Variants in CHL1 observed in about 807,000 individuals in gnomAD.
CHL1 encodes neural cell adhesion molecule L1-like protein.
In CHL1, 96 loss-of-function variants were observed where a neutral mutation model predicts 141.9. That is an observed-to-expected ratio of 0.68 (90% CI 0.57 to 0.80). The LOEUF (loss-of-function observed/expected upper bound fraction) is 0.80, where lower values mean the gene tolerates loss of function less well. Ranked by LOEUF, CHL1 falls within the 30% of genes least tolerant of loss-of-function variation. The probability of loss-of-function intolerance (pLI) is 0.00; values close to 1 mark genes in which losing one functional copy is unlikely to be tolerated. For missense variants in CHL1, 1,820 were observed against 1,457.2 expected, an observed-to-expected ratio of 1.25 and a Z score of -4.05; for synonymous variants, 613 against 502.2, an observed-to-expected ratio of 1.22 and a Z score of -2.95.
chr3:236,736 C>T (rs1315094028), intron 1 of CHL1, among the ~76,000 whole-genome samples: 1 of 145,330 alleles, frequency 6.9e-6, no homozygotes, highest in East Asian at 1.9e-4. Flanking sequence ...TCTTTGTATT[C>T]ATCTTTCCAC....
chr3:257,652 C>G (rs751293900), intron 2 of CHL1, among the ~76,000 whole-genome samples: 1 of 152,072 alleles, frequency 6.6e-6, no homozygotes, highest in South Asian at 2.1e-4. Context: ...GTGCCTGGCT[C>G]TCTTTTTCAT....
intron 2 of CHL1, among the ~76,000 whole-genome samples, chr3:298,500 C>A (rs1574994875): frequency 6.6e-6 from 1 of 152,172 alleles, no homozygotes; most frequent in African/African-American, 2.4e-5. Context: ...CATTTATATT[C>A]AGATACTTGC....
intron 16 of CHL1, among the ~76,000 whole-genome samples, chr3:379,573 C>T (rs1706772718): frequency 6.6e-6 from 1 of 152,110 alleles, no homozygotes; most frequent in Non-Finnish European, 1.5e-5. Flanking sequence ...CAGTCTCAGC[C>T]ACCAAAAGGA....
chr3:244,250 A>G (rs2125108423), intron 1 of CHL1, among the ~76,000 whole-genome samples: 1 of 152,326 alleles, frequency 6.6e-6, no homozygotes, highest in East Asian at 1.9e-4. Flanking sequence ...GCAAGTAGCT[A>G]TTGTGCCAGA....
At chr3:321,411 G>A (rs141353812) in intron 3 of CHL1, among the ~76,000 whole-genome samples, 29 of 152,134 alleles carry the variant, frequency 1.9e-4, no homozygotes, top group African/African-American at 5.8e-4. Context: ...TTCTGGTCGG[G>A]AGTCTAAAGT....
rs544558478 is a variant in CHL1, at chr3:319,940, T to C, written c.91+73T>C. 4.1e-5 allele frequency: 33 copies of C among 807,326 alleles called. 1 individual carries two copies. The East Asian group carries it at 7.6e-4, about 19-fold the overall frequency. The allele number at this position is 807,326 out of a possible 1,614,324, so 50.0% of individuals were successfully genotyped here. Reference sequence around the variant, plus strand: ...TTTTGATTTTTAAGTAGAATACTTATGGATTGAGGATGTGACTTTTCTACC... The same window carrying C: ...TTTTGATTTTTAAGTAGAATACTTACGGATTGAGGATGTGACTTTTCTACC... On this transcript the variant is annotated intron_variant, in intron 3 of 27. Coordinates refer to ENST00000256509, the MANE Select transcript of CHL1 (RefSeq NM_006614.4).
At chr3:200,141 T>C (rs1350144773) in intron 1 of CHL1, among the ~76,000 whole-genome samples, 2 of 152,230 alleles carry the variant, frequency 1.3e-5, no homozygotes, top group South Asian at 2.1e-4. Context: ...GTTTCATTTA[T>C]TGGAAATTAT....
intron 16 of CHL1, among the ~76,000 whole-genome samples, chr3:379,536 G>A (rs1294353329): frequency 4.6e-5 from 7 of 152,088 alleles, no homozygotes; most frequent in Non-Finnish European, 8.8e-5. Flanking sequence ...GTCAGGCTCC[G>A]TGCGCTTTGT....
chr3:344,895 A>G (rs1217961416), intron 9 of CHL1, among the ~76,000 whole-genome samples, 186 bp downstream of exon 9: 1 of 152,180 alleles, frequency 6.6e-6, no homozygotes, highest in African/African-American at 2.4e-5. Context: ...AGGCTGAAGC[A>G]GGAAGATTGC....
intron 2 of CHL1, among the ~76,000 whole-genome samples, chr3:284,780 T>C (rs1205247714): frequency 6.6e-6 from 1 of 152,072 alleles, no homozygotes; most frequent in Admixed American, 6.6e-5. Flanking sequence ...TTTTTTTTTT[T>C]TTCTCCAACC....
In CHL1 at chr3:268,578, A is replaced by G. The variant is rs575327378; in HGVS notation, c.-95+23886A>G. On this transcript the variant is annotated intron_variant, in intron 2 of 27. Coordinates refer to ENST00000256509, the MANE Select transcript of CHL1 (RefSeq NM_006614.4). ...AAAATAAAATAAAATAAAATAAAAT[A>G]ATGACTAGCTTATGCTCTCAGTACA... is the stretch of plus-strand genomic sequence containing the variant. 2.0e-5 allele frequency among the ~76,000 whole-genome samples: 3 copies of G among 152,170 alleles called. No individual in the cohort carries two copies. In the South Asian group the frequency reaches 6.2e-4, roughly 32 times the overall value.
chr3:389,176 A>G (rs1278212744), intron 19 of CHL1, 76 bp from the exon 20 acceptor site: 2 of 1,110,646 alleles, frequency 1.8e-6, no homozygotes, highest in Non-Finnish European at 2.7e-6. Context: ...TCCTTATTCC[A>G]CTTAGGGTGG....
chr3:357,913 G>T (rs1476280795), intron 11 of CHL1, among the ~76,000 whole-genome samples: 1 of 152,160 alleles, frequency 6.6e-6, no homozygotes, highest in African/African-American at 2.4e-5. Flanking sequence ...CCCTGAGTGG[G>T]GTGTGGAAGT....
At chr3:236,442 G>A (rs1011864559) in intron 1 of CHL1, among the ~76,000 whole-genome samples, 1 of 152,194 alleles carries the variant, frequency 6.6e-6, no homozygotes, top group Middle Eastern at 3.4e-3. Flanking sequence ...AATGTGTCTT[G>A]GTTCTCCATG....
intron 2 of CHL1, among the ~76,000 whole-genome samples, chr3:304,782 G>C (rs1416008116): frequency 2.0e-5 from 3 of 152,082 alleles, no homozygotes; most frequent in African/African-American, 7.2e-5. Context: ...TCTTTTGCTA[G>C]CTTTTGAATT....
chr3:398,412 A>G, intron 25 of CHL1, 27 bp downstream of exon 25: 1 of 1,489,234 alleles, frequency 6.7e-7, no homozygotes, highest in Non-Finnish European at 9.3e-7. Flanking sequence ...TATTTGGGGA[A>G]GTCTTAGTCA....
intron 3 of CHL1, among the ~76,000 whole-genome samples, chr3:322,508 T>C (rs1700648184): frequency 6.6e-6 from 1 of 151,016 alleles, no homozygotes; most frequent in Non-Finnish European, 1.5e-5. Context: ...TTTGCTCTGA[T>C]GATACAAAAG....
chr3:375,577 G>C (rs73814730), intron 15 of CHL1, among the ~76,000 whole-genome samples: 3,378 of 151,822 alleles, frequency 0.022, 75 homozygotes, highest in African/African-American at 0.062. Flanking sequence ...GGAGAAATGG[G>C]AGTTGGGGAC....
intron 1 of CHL1, among the ~76,000 whole-genome samples, chr3:218,040 T>G (rs1700480375): frequency 6.6e-6 from 1 of 152,180 alleles, no homozygotes; most frequent in Non-Finnish European, 1.5e-5. Context: ...TGGGGGCTGT[T>G]GTAAATTATA....
Sources: allele counts gnomAD v4.1 joint callset (sites outside exome capture counted in the v4.1 genomes callset), GRCh38; gene constraint gnomAD v4.1.1; transcripts MANE v1.5; gene names NCBI Gene and HGNC (gene_info 2026-07-23, HGNC 2026-07-21).